The following AGBL4 variants were observed in gnomAD, a reference collection of about 807,000 sequenced individuals.
AGBL4 encodes cytosolic carboxypeptidase 6.
AGBL4 carries 58 observed loss-of-function variants against 66.4 expected under a neutral mutation model. The observed-to-expected ratio is 0.87, with a 90% confidence interval of 0.71 to 1.09. The LOEUF (loss-of-function observed/expected upper bound fraction) is 1.09. AGBL4 is among the 50% of genes least tolerant of loss of function. AGBL4 has a pLI of 0.00. For synonymous variants in AGBL4, 234 were observed against 222.9 expected (o/e 1.05, Z -0.44); for missense variants, 579 against 631.0 (o/e 0.92, Z 0.88).
chr1:49,913,526 AT>A (rs1196598969), intron 1 of AGBL4, among the ~76,000 whole-genome samples: 1 of 152,202 alleles, frequency 6.6e-6, no homozygotes, highest in African/African-American at 2.4e-5. Flanking sequence ...GTGCTCTTGG[AT>A]TAGAGCCTCA....
intron 3 of AGBL4, among the ~76,000 whole-genome samples, chr1:49,363,213 T>C (rs952355108): frequency 6.6e-6 from 1 of 152,126 alleles, no homozygotes; most frequent in African/African-American, 2.4e-5. Flanking sequence ...AAAAGAAAAA[T>C]TAAATATGGC....
chr1:49,773,866 C>T (rs1644128499), intron 2 of AGBL4, among the ~76,000 whole-genome samples: 1 of 152,192 alleles, frequency 6.6e-6, no homozygotes, highest in African/African-American at 2.4e-5. Context: ...TTGCCTGTTT[C>T]CCTGGGTGAC....
chr1:49,422,869 T>C (rs930564605), intron 3 of AGBL4, among the ~76,000 whole-genome samples: 6 of 152,192 alleles, frequency 3.9e-5, no homozygotes, highest in African/African-American at 1.4e-4. Flanking sequence ...CCCTTTATTA[T>C]TAGTGTAACA....
At chr1:49,137,718 T>C (rs1646039283) in intron 4 of AGBL4, among the ~76,000 whole-genome samples, 1 of 152,082 alleles carries the variant, frequency 6.6e-6, no homozygotes, top group African/African-American at 2.4e-5. Flanking sequence ...TCAAAACAAT[T>C]GCTAATAAGA....
chr1:49,442,566 T>C (rs1646058774), intron 3 of AGBL4, among the ~76,000 whole-genome samples: 1 of 152,214 alleles, frequency 6.6e-6, no homozygotes, highest in East Asian at 1.9e-4. Context: ...CCATCAACAT[T>C]GCTGCAAATA....
At chr1:48,716,277 C>T (rs1339907492) in intron 6 of AGBL4, among the ~76,000 whole-genome samples, 1 of 152,128 alleles carries the variant, frequency 6.6e-6, no homozygotes, top group Non-Finnish European at 1.5e-5. Context: ...AGGGGGAGAT[C>T]TCTGACTTCC....
intron 6 of AGBL4, among the ~76,000 whole-genome samples, chr1:48,751,031 A>T (rs961340316): frequency 2.0e-5 from 3 of 152,192 alleles, no homozygotes; most frequent in Admixed American, 2.0e-4. Flanking sequence ...TTCATGATAT[A>T]GCATTCATGA....
intron 2 of AGBL4, among the ~76,000 whole-genome samples, chr1:49,837,279 A>C (rs555493397): frequency 1.5e-4 from 23 of 152,326 alleles, no homozygotes; most frequent in Admixed American, 1.4e-3. Flanking sequence ...CTAGAGATGC[A>C]GTCTGGCTAT....
At chr1:48,542,292 C>T (rs1041507955) in intron 11 of AGBL4, among the ~76,000 whole-genome samples, 1 of 152,178 alleles carries the variant, frequency 6.6e-6, no homozygotes, top group Non-Finnish European at 1.5e-5. Flanking sequence ...AATAGTGCTA[C>T]AATAAACATA....
At chr1:48,865,963 A>G (rs915158368) in intron 6 of AGBL4, among the ~76,000 whole-genome samples, 2 of 152,172 alleles carry the variant, frequency 1.3e-5, no homozygotes, top group Non-Finnish European at 2.9e-5. Context: ...TTAATCATAT[A>G]TATGTTAAAT....
At chr1:48,528,751 C>T (rs1205325182), downstream of AGBL4, among the ~76,000 whole-genome samples, 1 of 152,130 alleles carries the variant, frequency 6.6e-6, no homozygotes, top group African/African-American at 2.4e-5. Context: ...TGAATTTCAG[C>T]TGGCAGAGAA....
In AGBL4 at chr1:49,845,093, G is replaced by T; in HGVS notation, c.157+6303C>A. ...AAACCCTACAAATGTCAGGAATGCA[G>T]AAAGGCCTTTAGTCACAGCTCAGCA... On this transcript the variant is annotated intron_variant, in intron 2 of 13. Transcript: ENST00000371839. 2.7e-6 allele frequency: 4 copies of T among 1,458,844 alleles called. No homozygotes were observed. The South Asian group carries it at 3.5e-5, about 13-fold the overall frequency. The allele number at this position is 1,458,844 out of a possible 1,614,324, so 90.4% of individuals were successfully genotyped here.
At chr1:49,111,250 G>C (rs1372497039) in intron 4 of AGBL4, among the ~76,000 whole-genome samples, 1 of 151,884 alleles carries the variant, frequency 6.6e-6, no homozygotes, top group Non-Finnish European at 1.5e-5. Flanking sequence ...ATAGCTGGGA[G>C]TACAGGCGCC....
At chr1:49,453,779 C>T (rs1246537925) in intron 3 of AGBL4, among the ~76,000 whole-genome samples, 4 of 151,626 alleles carry the variant, frequency 2.6e-5, no homozygotes, top group African/African-American at 7.3e-5. Flanking sequence ...AACTCAGAGC[C>T]GTGTATTTTA....
intron 5 of AGBL4, among the ~76,000 whole-genome samples, chr1:49,027,687 T>C (rs2149030782): frequency 6.6e-6 from 1 of 152,272 alleles, no homozygotes; most frequent in Middle Eastern, 3.4e-3. Flanking sequence ...ATCCCCATTC[T>C]ATATTGAAGA....
intron 6 of AGBL4, among the ~76,000 whole-genome samples, chr1:48,856,265 G>A (rs913731022): frequency 6.6e-6 from 1 of 152,152 alleles, no homozygotes; most frequent in Non-Finnish European, 1.5e-5. Flanking sequence ...GATTGTTTAT[G>A]AAATAATGTT....
rs772090836 is a variant in AGBL4 at position 48,634,671 on chromosome 1, T to C, written c.840-67A>G. 3 of 1,103,780 alleles carry C rather than the reference T, an allele frequency of 2.7e-6. No individual in the cohort carries two copies. The African/African-American group carries it at 4.7e-5, about 17-fold the overall frequency. 68.4% of individuals were successfully genotyped at this position (1,103,780 alleles called of 1,614,324 possible). On this transcript the variant is annotated intron_variant, in intron 8 of 13. Transcript: ENST00000371839. ...GCTGAGCTTCTCACCTGTCAAAATA[T>C]GCTTATGAGTAGGAGCAGTGATTAT...
chr1:49,861,934 C>T (rs1295338474), intron 1 of AGBL4, among the ~76,000 whole-genome samples: 3 of 152,106 alleles, frequency 2.0e-5, no homozygotes, highest in Non-Finnish European at 4.4e-5. Context: ...TAAACAAGCC[C>T]AGAAACTGAA....
intron 1 of AGBL4, among the ~76,000 whole-genome samples, chr1:49,867,129 C>A (rs1646720853): frequency 6.6e-6 from 1 of 152,088 alleles, no homozygotes; most frequent in Non-Finnish European, 1.5e-5. Context: ...CTTTAGGATG[C>A]TGTCTGTGAC....
Sources: gnomAD v4.1 joint callset for allele counts (sites outside exome capture counted in the v4.1 genomes callset) on GRCh38, gnomAD v4.1.1 for gene constraint, MANE v1.5 for transcripts, NCBI Gene and HGNC (gene_info 2026-07-23, HGNC 2026-07-21) for gene names.